The following TMEM132D variants were observed in gnomAD, a reference collection of about 807,000 sequenced individuals.
TMEM132D encodes transmembrane protein 132D.
In TMEM132D, 21 loss-of-function variants were observed where a neutral mutation model predicts 62.3. That is an observed-to-expected ratio of 0.34 (90% confidence interval 0.24 to 0.49). The LOEUF (loss-of-function observed/expected upper bound fraction) is 0.49, where lower values mean the gene tolerates loss of function less well. TMEM132D is among the 20% of genes least tolerant of loss of function. TMEM132D has a pLI of 0.99. For missense variants in TMEM132D, 1,346 were observed against 1,402.8 expected, an observed-to-expected ratio of 0.96 and a Z score of 0.65; for synonymous variants, 621 against 575.6, an observed-to-expected ratio of 1.08 and a Z score of -1.13.
intron 2 of TMEM132D, among the ~76,000 whole-genome samples, chr12:129,621,311 G>A (rs568585611): frequency 1.8e-4 from 28 of 151,978 alleles, no homozygotes; most frequent in Non-Finnish European, 3.7e-4. Flanking sequence ...AACAGCACCC[G>A]ACTGTCCCCA....
At chr12:129,673,132 T>C (rs894308236) in intron 2 of TMEM132D, among the ~76,000 whole-genome samples, 17 of 150,388 alleles carry the variant, frequency 1.1e-4, no homozygotes, top group African/African-American at 4.1e-4. Flanking sequence ...CCCCCAAAAC[T>C]CTCTCATGCT....
chr12:129,113,622 T>C (rs1336380170), intron 5 of TMEM132D, among the ~76,000 whole-genome samples: 1 of 152,144 alleles, frequency 6.6e-6, no homozygotes, highest in African/African-American at 2.4e-5. Flanking sequence ...TAAAGTGTTC[T>C]AGGGTGGAGA....
intron 1 of TMEM132D, among the ~76,000 whole-genome samples, chr12:129,730,376 C>G (rs963946479): frequency 4.6e-5 from 7 of 152,058 alleles, no homozygotes; most frequent in African/African-American, 1.7e-4. Context: ...TTACAAATCC[C>G]CACTCCAGGG....
intron 4 of TMEM132D, among the ~76,000 whole-genome samples, chr12:129,305,480 A>G (rs1206238324): frequency 6.6e-6 from 1 of 152,140 alleles, no homozygotes; most frequent in Non-Finnish European, 1.5e-5. Flanking sequence ...GCAAAGGTAA[A>G]GGAATTGAGT....
At chr12:129,246,765 CAAA>C (rs60215528) in intron 4 of TMEM132D, among the ~76,000 whole-genome samples, 56,290 of 148,442 alleles carry the variant, frequency 0.38, 11,162 homozygotes, top group Middle Eastern at 0.47. Flanking sequence ...GACTCTATCT[CAAA>C]AAAAAAAAAA....
chr12:129,257,319 G>T (rs191969358), intron 4 of TMEM132D, among the ~76,000 whole-genome samples: 3,535 of 150,112 alleles, frequency 0.024, 147 homozygotes, highest in African/African-American at 0.083. Context: ...CCATTCTCCT[G>T]CCTTAGCCTC....
At chr12:129,240,356 T>C (rs1199183676) in intron 4 of TMEM132D, among the ~76,000 whole-genome samples, 1 of 152,196 alleles carries the variant, frequency 6.6e-6, no homozygotes, top group Non-Finnish European at 1.5e-5. Context: ...CTGGTTTGAA[T>C]ATCCCCCCAC....
At chr12:129,892,310 T>C (rs12319495) in intron 1 of TMEM132D, among the ~76,000 whole-genome samples, 1 of 152,142 alleles carries the variant, frequency 6.6e-6, no homozygotes, top group Non-Finnish European at 1.5e-5. Context: ...GAAAAATCTA[T>C]GTTTAATAGA....
intron 1 of TMEM132D, among the ~76,000 whole-genome samples, chr12:129,819,145 G>C (rs919587179): frequency 6.6e-5 from 10 of 151,914 alleles, no homozygotes; most frequent in South Asian, 2.1e-4. Context: ...CGAAAACATA[G>C]GTTCATGCTG....
intron 2 of TMEM132D, among the ~76,000 whole-genome samples, chr12:129,676,673 A>G (rs1384207306): frequency 1.3e-5 from 2 of 152,144 alleles, no homozygotes; most frequent in African/African-American, 2.4e-5. Context: ...TTCATAAAGG[A>G]TCTAACCCCA....
intron 5 of TMEM132D, among the ~76,000 whole-genome samples, chr12:129,202,262 G>T (rs1272191128): frequency 6.6e-6 from 1 of 152,182 alleles, no homozygotes; most frequent in Non-Finnish European, 1.5e-5. Context: ...GGCTGCACAG[G>T]TGGCTGTGAC....
chr12:129,177,225 A>T (rs767077968), intron 5 of TMEM132D, among the ~76,000 whole-genome samples: 13 of 152,230 alleles, frequency 8.5e-5, no homozygotes, highest in East Asian at 1.9e-4. Context: ...CATCTATTTT[A>T]AAAAATCACC....
intron 1 of TMEM132D, among the ~76,000 whole-genome samples, chr12:129,729,732 G>A (rs1239264468): frequency 6.6e-6 from 1 of 152,146 alleles, no homozygotes; most frequent in East Asian, 1.9e-4. Flanking sequence ...AGTTTACAAG[G>A]AAGTTGGTTA....
chr12:129,262,130 T>C (rs1880565238), intron 4 of TMEM132D, among the ~76,000 whole-genome samples: 1 of 152,114 alleles, frequency 6.6e-6, no homozygotes, highest in Non-Finnish European at 1.5e-5. Context: ...CTGTGATGGT[T>C]TCTTGTGTTC....
At chr12:129,084,093 A>G (rs1304567606) in intron 6 of TMEM132D, among the ~76,000 whole-genome samples, 3 of 152,000 alleles carry the variant, frequency 2.0e-5, no homozygotes, top group Non-Finnish European at 4.4e-5. Context: ...GAATTTGTTC[A>G]TTCGTTCAGC....
chr12:129,530,172 A>C (rs1300372484), intron 3 of TMEM132D, among the ~76,000 whole-genome samples: 1 of 152,230 alleles, frequency 6.6e-6, no homozygotes, highest in African/African-American at 2.4e-5. Flanking sequence ...ATAAGCCAAA[A>C]AAAATCATAA....
At chr12:129,093,703 C>A (rs1875006452) in intron 5 of TMEM132D, among the ~76,000 whole-genome samples, 1 of 152,030 alleles carries the variant, frequency 6.6e-6, no homozygotes, top group Non-Finnish European at 1.5e-5. Flanking sequence ...TCATATGGAA[C>A]CAAAAAAGAG....
At chr12:129,429,295 G>A (rs929514917) in intron 3 of TMEM132D, among the ~76,000 whole-genome samples, 6 of 152,252 alleles carry the variant, frequency 3.9e-5, no homozygotes, top group African/African-American at 1.4e-4. Flanking sequence ...TCAGGGGACA[G>A]CTGCCATTCA....
At chr12:129,786,109 A>AC (rs931367911) in intron 1 of TMEM132D, among the ~76,000 whole-genome samples, 3 of 151,326 alleles carry the variant, frequency 2.0e-5, no homozygotes, top group African/African-American at 7.3e-5. Context: ...GCATCCTTCC[A>AC]CCCCCCAGGC....
Sources: allele counts gnomAD v4.1 joint callset (sites outside exome capture counted in the v4.1 genomes callset), GRCh38; gene constraint gnomAD v4.1.1; transcripts MANE v1.5; gene names NCBI Gene and HGNC (gene_info 2026-07-23, HGNC 2026-07-21).